Variants in LUC7L2 observed in about 807,000 individuals in gnomAD.
LUC7L2 encodes the protein putative RNA-binding protein Luc7-like 2.
LUC7L2 carries 25 observed loss-of-function variants against 52.8 expected under a neutral mutation model. The observed-to-expected ratio is 0.47, with a 90% confidence interval of 0.34 to 0.66. LUC7L2 has a LOEUF of 0.66. Among genes scored for constraint, LUC7L2 ranks in the 30% least tolerant of loss-of-function variants. The pLI, the probability that LUC7L2 is intolerant of heterozygous loss-of-function variation, is 0.01. For missense variants in LUC7L2, 328 were observed against 497.8 expected (o/e 0.66, Z 3.25); for synonymous variants, 144 against 160.9 (o/e 0.89, Z 0.80).
At chr7:139,376,747 G>T (rs2131216528) in intron 2 of LUC7L2, among the ~76,000 whole-genome samples, 1 of 152,340 alleles carries the variant, frequency 6.6e-6, no homozygotes, top group Non-Finnish European at 1.5e-5. Context: ...GTGGAACAGA[G>T]AATTTGATTC....
At chr7:139,415,808 T>C in intron 8 of LUC7L2, among the ~76,000 whole-genome samples, 1 of 151,882 alleles carries the variant, frequency 6.6e-6, no homozygotes, top group South Asian at 2.1e-4. Flanking sequence ...CAGCCAGAAA[T>C]ACTCTTTTTA....
chr7:139,387,722 C>G (rs968021888), intron 2 of LUC7L2, among the ~76,000 whole-genome samples: 6 of 152,124 alleles, frequency 3.9e-5, no homozygotes, highest in African/African-American at 1.4e-4. Flanking sequence ...CTACTTCTCC[C>G]TTGAATGAAT....
At chr7:139,414,692 C>G (rs1034295422) in intron 8 of LUC7L2, among the ~76,000 whole-genome samples, 2 of 152,196 alleles carry the variant, frequency 1.3e-5, no homozygotes, top group Non-Finnish European at 2.9e-5. Flanking sequence ...CTTCAACATG[C>G]TGAGCTTTTT....
chr7:139,363,331 T>TG (rs1336894988), intron 1 of LUC7L2: 1 of 758,980 alleles, frequency 1.3e-6, no homozygotes, highest in African/African-American at 1.9e-5. Flanking sequence ...CCCATATAAC[T>TG]GGGGGTCTGA....
Position 139,409,765 on chromosome 7 carries a change from C to T in LUC7L2, c.779+111C>T, listed in dbSNP as rs776609265. Reference sequence around the variant, plus strand: ...TAAATCTGTTATGGGACGTGGGAAACTTCTGCTTACTTTAAAAAATATTAC... The same window carrying T: ...TAAATCTGTTATGGGACGTGGGAAATTTCTGCTTACTTTAAAAAATATTAC... On this transcript the variant is annotated intron_variant, in intron 7 of 9. Transcript: ENST00000354926. The T allele has an allele frequency of 1.3e-3, 1,729 of 1,363,214 alleles. 1 individual carries two copies. Among genetic ancestry groups the T allele is most frequent in the Non-Finnish European group, 1.6e-3 (1,640 of 1,051,004 alleles). 84.4% of individuals were successfully genotyped at this position (1,363,214 alleles called of 1,614,324 possible).
Position 139,411,281 on chromosome 7 carries a change from C to T in LUC7L2, c.780-1270C>T, listed in dbSNP as rs191754588. Among the ~76,000 whole-genome samples the T allele has an allele frequency of 1.2e-3, 182 of 151,948 alleles. No homozygotes were observed. The Middle Eastern group carries it at 0.027, about 23-fold the overall frequency. On this transcript the variant is annotated intron_variant, in intron 7 of 9. Transcript: ENST00000354926. Reference sequence around the variant, plus strand: ...AAAAAAAAGTCGTTGAATCTGTGAGCTTAAAGAAATATGGAAGTATGGAAG... The same window carrying T: ...AAAAAAAAGTCGTTGAATCTGTGAGTTTAAAGAAATATGGAAGTATGGAAG...
chr7:139,371,578 T>G, intron 1 of LUC7L2: 1 of 1,281,024 alleles, frequency 7.8e-7, no homozygotes, highest in Non-Finnish European at 1.1e-6. Flanking sequence ...GGGGCGGATA[T>G]TGGGAAGATA....
chr7:139,407,008 T>TTTTG (rs1554396352), intron 5 of LUC7L2, among the ~76,000 whole-genome samples, 166 bp from the exon 6 acceptor site: 2 of 147,196 alleles, frequency 1.4e-5, no homozygotes, highest in African/African-American at 5.1e-5. Flanking sequence ...GTGGTTTTTT[T>TTTTG]TTTTTTTTTT....
At chr7:139,375,154 A>C in intron 1 of LUC7L2, 1 of 982,934 alleles carries the variant, frequency 1.0e-6, no homozygotes, top group Non-Finnish European at 1.2e-6. Flanking sequence ...GATTCTAAGC[A>C]AAAAAATTTT....
intron 1 of LUC7L2, among the ~76,000 whole-genome samples, chr7:139,350,331 C>T (rs1338376367): frequency 1.3e-5 from 2 of 152,082 alleles, no homozygotes; most frequent in Non-Finnish European, 2.9e-5. Flanking sequence ...CCGTGTTAGC[C>T]AGGATGGTCT....
At chr7:139,415,054 G>GTTGTTTTTTTTTTTTTTTT (rs1795526800) in intron 8 of LUC7L2, among the ~76,000 whole-genome samples, 1 of 54,192 alleles carries the variant, frequency 1.8e-5, no homozygotes. Context: ...GCCCTGCTAA[G>GTTGTTTTTTTTTTTTTTTT]TTTTTTTTTT....
chr7:139,376,197 T>C, intron 2 of LUC7L2, 41 bp downstream of exon 2: 1 of 1,571,472 alleles, frequency 6.4e-7, no homozygotes, highest in South Asian at 1.1e-5. Context: ...ACTGATATGC[T>C]GCAGTAATGA....
chr7:139,387,658 G>A (rs1794263052), intron 2 of LUC7L2, among the ~76,000 whole-genome samples: 1 of 152,122 alleles, frequency 6.6e-6, no homozygotes, highest in Non-Finnish European at 1.5e-5. Context: ...CAAAACTTGT[G>A]GTGGTTCTGT....
chr7:139,364,464 G>A (rs1318994961), intron 1 of LUC7L2, among the ~76,000 whole-genome samples: 3 of 151,976 alleles, frequency 2.0e-5, no homozygotes, highest in Admixed American at 6.6e-5. Context: ...GGACTGTTTC[G>A]GGCAAGTTAA....
intron 2 of LUC7L2, among the ~76,000 whole-genome samples, chr7:139,391,379 T>C (rs1225875462): frequency 6.6e-6 from 1 of 152,254 alleles, no homozygotes; most frequent in African/African-American, 2.4e-5. Context: ...AAAGCAGTTA[T>C]ATTTACAATT....
chr7:139,342,565 CG>C (rs1164020898), intron 1 of LUC7L2, among the ~76,000 whole-genome samples: 2 of 152,082 alleles, frequency 1.3e-5, no homozygotes, highest in Non-Finnish European at 2.9e-5. Flanking sequence ...CAGGTTCAAG[CG>C]ATTCTCCTGC....
chr7:139,342,955 C>G (rs917891076), intron 1 of LUC7L2, among the ~76,000 whole-genome samples: 1 of 152,188 alleles, frequency 6.6e-6, no homozygotes, highest in Admixed American at 6.5e-5. Context: ...GAATAACCAT[C>G]CCATTTTCTC....
chr7:139,405,536 C>T, intron 4 of LUC7L2, 108 bp from the exon 5 acceptor site: 1 of 1,341,080 alleles, frequency 7.5e-7, no homozygotes, highest in Non-Finnish European at 9.9e-7. Context: ...ATTCTTTAAC[C>T]ACATACTGCC....
intron 2 of LUC7L2, among the ~76,000 whole-genome samples, chr7:139,382,225 A>G (rs1028069308): frequency 7.2e-5 from 11 of 151,808 alleles, no homozygotes; most frequent in African/African-American, 2.7e-4. Context: ...GGGTTTTACC[A>G]TGTTGCCCAG....
Sources: allele counts gnomAD v4.1 joint callset (sites outside exome capture counted in the v4.1 genomes callset), GRCh38; gene constraint gnomAD v4.1.1; transcripts MANE v1.5; gene names NCBI Gene and HGNC (gene_info 2026-07-23, HGNC 2026-07-21).